NDST4: variants seen among roughly 807,000 people sequenced by gnomAD.
NDST4 encodes the protein N-heparan sulfate sulfotransferase 4.
In NDST4, 63 loss-of-function variants were observed where a neutral mutation model predicts 100.8. That is an observed-to-expected ratio of 0.62 (90% confidence interval 0.51 to 0.77). NDST4 has a LOEUF of 0.77. Among genes scored for constraint, NDST4 ranks in the 30% least tolerant of loss-of-function variants. NDST4 has a pLI of 0.00. For synonymous variants in NDST4, 377 were observed against 361.8 expected, an observed-to-expected ratio of 1.04 and a Z score of -0.48; for missense variants, 943 against 1,018.4, an observed-to-expected ratio of 0.93 and a Z score of 1.01.
chr4:115,001,203 T>TAATAGCACCTTGGTTTTCTGGC (rs1727282481), intron 2 of NDST4, among the ~76,000 whole-genome samples: 1 of 152,100 alleles, frequency 6.6e-6, no homozygotes, highest in East Asian at 1.9e-4. Context: ...TTTTTACTGG[T>TAATAGCACCTTGGTTTTCTGGC]AATAGCACCT....
intron 1 of NDST4, among the ~76,000 whole-genome samples, chr4:115,104,835 G>A (rs1477466578): frequency 2.0e-5 from 3 of 152,052 alleles, no homozygotes; most frequent in Admixed American, 1.3e-4. Flanking sequence ...TCACTCAGGG[G>A]ATACTTTAAA....
chr4:114,982,161 T>C (rs1726789411), intron 2 of NDST4, among the ~76,000 whole-genome samples: 1 of 152,208 alleles, frequency 6.6e-6, no homozygotes, highest in South Asian at 2.1e-4. Flanking sequence ...GGCACTGCTA[T>C]AATGACACCT....
At chr4:115,015,587 A>G (rs1421285703) in intron 2 of NDST4, among the ~76,000 whole-genome samples, 1 of 152,112 alleles carries the variant, frequency 6.6e-6, no homozygotes, top group Admixed American at 6.6e-5. Flanking sequence ...TCTGTCTTAA[A>G]GGGCAAAATA....
chr4:114,987,668 A>G (rs1375328691), intron 2 of NDST4, among the ~76,000 whole-genome samples: 1 of 152,228 alleles, frequency 6.6e-6, no homozygotes, highest in African/African-American at 2.4e-5. Context: ...AATGTTTAGG[A>G]AACACACTGT....
At chr4:114,933,579 G>A (rs1485305113) in intron 6 of NDST4, among the ~76,000 whole-genome samples, 3 of 151,568 alleles carry the variant, frequency 2.0e-5, no homozygotes, top group African/African-American at 7.3e-5. Context: ...CCTATGGAAT[G>A]AGAGAAAATA....
At chr4:114,957,209 C>T (rs1450581158) in intron 4 of NDST4, among the ~76,000 whole-genome samples, 1 of 151,964 alleles carries the variant, frequency 6.6e-6, no homozygotes, top group Non-Finnish European at 1.5e-5. Context: ...GAAGAAATAC[C>T]CAAGACTGAG....
intron 4 of NDST4, among the ~76,000 whole-genome samples, chr4:114,950,992 C>T (rs1046565106): frequency 6.6e-6 from 1 of 151,772 alleles, no homozygotes; most frequent in Non-Finnish European, 1.5e-5. Context: ...GCAGATAATG[C>T]ATATTCATCG....
chr4:114,948,199 A>T (rs1381300992), intron 4 of NDST4, among the ~76,000 whole-genome samples: 1 of 152,078 alleles, frequency 6.6e-6, no homozygotes, highest in Non-Finnish European at 1.5e-5. Flanking sequence ...ACTTAATGTC[A>T]GCTTAACACA....
chr4:114,842,414 G>GGCCTGTT (rs1267577026), intron 10 of NDST4, among the ~76,000 whole-genome samples: 2 of 151,150 alleles, frequency 1.3e-5, no homozygotes, highest in African/African-American at 2.4e-5. Context: ...TTCAACCCAG[G>GGCCTGTT]GATTCTCAAA....
At chr4:114,958,585 A>G (rs1328398411) in intron 4 of NDST4, among the ~76,000 whole-genome samples, 1 of 152,184 alleles carries the variant, frequency 6.6e-6, no homozygotes, top group Non-Finnish European at 1.5e-5. Context: ...GGCTGTGACA[A>G]AGGGCATTAA....
intron 2 of NDST4, among the ~76,000 whole-genome samples, chr4:115,057,820 A>G (rs973942643): frequency 1.3e-5 from 2 of 152,158 alleles, no homozygotes; most frequent in Non-Finnish European, 2.9e-5. Flanking sequence ...TGAAATTAAT[A>G]GATTAAATCA....
intron 2 of NDST4, among the ~76,000 whole-genome samples, chr4:114,980,310 C>T (rs1417968666): frequency 6.6e-6 from 1 of 151,992 alleles, no homozygotes; most frequent in African/African-American, 2.4e-5. Context: ...TTTTTTCTAC[C>T]TGAATATTTC....
At chr4:114,855,209 A>G (rs1014604277) in intron 7 of NDST4, among the ~76,000 whole-genome samples, 1 of 151,692 alleles carries the variant, frequency 6.6e-6, no homozygotes, top group Non-Finnish European at 1.5e-5. Context: ...GGTAGTTGCA[A>G]ATATTTTACT....
rs1728561272 is a variant in NDST4 at position 115,050,519 on chromosome 4, A to G, written c.978+25540T>C. 2.0e-5 allele frequency among the ~76,000 whole-genome samples: 3 copies of G among 152,088 alleles called. No individual in the cohort carries two copies. In the South Asian group the frequency reaches 6.2e-4, roughly 31 times the overall value. On this transcript the variant is annotated intron_variant, in intron 2 of 13. Coordinates refer to ENST00000264363, the MANE Select transcript of NDST4 (RefSeq NM_022569.3). Reference sequence around the variant, plus strand: ...GAATTTGCCCAGAAATATTCATGGTATTTATGGGGAATTAAAACTTCTAGC... The same window carrying G: ...GAATTTGCCCAGAAATATTCATGGTGTTTATGGGGAATTAAAACTTCTAGC...
intron 4 of NDST4, among the ~76,000 whole-genome samples, chr4:114,947,887 T>C (rs535106649): frequency 1.1e-4 from 17 of 152,182 alleles, no homozygotes; most frequent in African/African-American, 3.6e-4. Flanking sequence ...GAGTGAAGCA[T>C]TGATTTCAAT....
At chr4:114,858,011 C>T (rs946628853) in intron 7 of NDST4, among the ~76,000 whole-genome samples, 1 of 152,156 alleles carries the variant, frequency 6.6e-6, no homozygotes, top group South Asian at 2.1e-4. Flanking sequence ...CTACGTGTTG[C>T]CTAACCTCTG....
intron 4 of NDST4, among the ~76,000 whole-genome samples, chr4:114,967,779 TA>T (rs1726415783): frequency 6.6e-6 from 1 of 152,058 alleles, no homozygotes; most frequent in African/African-American, 2.4e-5. Context: ...TGTAAATCCA[TA>T]TTTTTTTTAA....
chr4:114,999,936 C>A (rs1727249676), intron 2 of NDST4, among the ~76,000 whole-genome samples: 1 of 151,754 alleles, frequency 6.6e-6, no homozygotes, highest in African/African-American at 2.4e-5. Context: ...CTTCTTTTTG[C>A]CAATCTTATG....
intron 3 of NDST4, among the ~76,000 whole-genome samples, chr4:114,971,472 A>C (rs890415387): frequency 6.6e-6 from 1 of 151,160 alleles, no homozygotes; most frequent in Non-Finnish European, 1.5e-5. Context: ...GAAATGATAG[A>C]GTTTTCGTAT....
Sources: allele counts gnomAD v4.1 joint callset (sites outside exome capture counted in the v4.1 genomes callset), GRCh38; gene constraint gnomAD v4.1.1; transcripts MANE v1.5; gene names NCBI Gene and HGNC (gene_info 2026-07-23, HGNC 2026-07-21).